OR2L13: variants seen among roughly 807,000 people sequenced by gnomAD.
OR2L13 encodes olfactory receptor family 2 subfamily L member 13.
Under a neutral mutation model 15.3 loss-of-function variants are expected in OR2L13, and 14 were observed. The ratio of observed to expected loss-of-function variants is 0.91; its 90% confidence interval spans 0.60 to 1.43. The LOEUF (loss-of-function observed/expected upper bound fraction) is 1.43, where lower values mean the gene tolerates loss of function less well. Among genes scored for constraint, OR2L13 ranks in the 40% most tolerant of loss-of-function variants. OR2L13 has a pLI of 0.00. For synonymous variants in OR2L13, 152 were observed against 142.9 expected, an observed-to-expected ratio of 1.06 and a Z score of -0.45; for missense variants, 367 against 387.9, an observed-to-expected ratio of 0.95 and a Z score of 0.45.
the OR2L13 span, among the ~76,000 whole-genome samples, chr1:247,991,642 T>C: frequency 0.041 from 6,077 of 149,234 alleles, 797 homozygotes; most frequent in African/African-American, 0.14. Flanking sequence ...ACACACTCAA[T>C]GTTTCCCTCG....
the OR2L13 span, among the ~76,000 whole-genome samples, chr1:247,944,669 T>C: frequency 1.3e-5 from 2 of 152,214 alleles, no homozygotes; most frequent in African/African-American, 4.8e-5. Context: ...TAGTATTCCA[T>C]GGTGTATACG....
chr1:248,026,111 A>G, the OR2L13 span, among the ~76,000 whole-genome samples: 4 of 152,212 alleles, frequency 2.6e-5, no homozygotes, highest in African/African-American at 7.2e-5. Context: ...TAAAAAAAGA[A>G]AAATCATTTG....
chr1:248,060,762 C>T, the OR2L13 span: 5 of 1,614,110 alleles, frequency 3.1e-6, no homozygotes, highest in Non-Finnish European at 3.4e-6. Context: ...TTTTCCTCTT[C>T]ATCCTCATTG....
chr1:247,965,581 G>A, the OR2L13 span: 23 of 1,595,776 alleles, frequency 1.4e-5, no homozygotes, highest in African/African-American at 1.1e-4. Flanking sequence ...GCTCTCCATC[G>A]TTGACCTCAT....
At chr1:247,981,758 A>G in the OR2L13 span, among the ~76,000 whole-genome samples, 4 of 152,194 alleles carry the variant, frequency 2.6e-5, no homozygotes, top group Non-Finnish European at 4.4e-5. Context: ...GCTTCTCTTC[A>G]ATGATACCCT....
chr1:248,060,641 AC>A, the OR2L13 span: 1 of 1,509,204 alleles, frequency 6.6e-7, no homozygotes, highest in Admixed American at 1.8e-5. Context: ...TGCTTAACTT[AC>A]CCTTGTGTCT....
chr1:247,950,673 C>T, the OR2L13 span, among the ~76,000 whole-genome samples: 1 of 152,072 alleles, frequency 6.6e-6, no homozygotes, highest in Admixed American at 6.6e-5. Context: ...TGCATGTTCT[C>T]ACTCCTACCT....
the OR2L13 span, among the ~76,000 whole-genome samples, chr1:248,010,089 C>T: frequency 6.6e-6 from 1 of 152,040 alleles, no homozygotes; most frequent in Non-Finnish European, 1.5e-5. Flanking sequence ...GGAAGCATTC[C>T]CTATGAAAAC....
At chr1:248,050,649 C>G in the OR2L13 span, among the ~76,000 whole-genome samples, 1 of 152,032 alleles carries the variant, frequency 6.6e-6, no homozygotes, top group South Asian at 2.1e-4. Context: ...TTAACTATTT[C>G]TTGGACAGTT....
chr1:247,944,634 G>T, the OR2L13 span, among the ~76,000 whole-genome samples: 1 of 152,138 alleles, frequency 6.6e-6, no homozygotes, highest in African/African-American at 2.4e-5. Flanking sequence ...CAAAGGACAT[G>T]ATCTTGTTCC....
At chr1:248,003,661 C>T in the OR2L13 span, 1 of 1,612,056 alleles carries the variant, frequency 6.2e-7, no homozygotes, top group Non-Finnish European at 8.5e-7. Flanking sequence ...ATCATTTCTT[C>T]TGTGATGTCC....
chr1:248,069,803 A>T, the OR2L13 span, among the ~76,000 whole-genome samples: 1 of 152,146 alleles, frequency 6.6e-6, no homozygotes, highest in South Asian at 2.1e-4. Flanking sequence ...ATGGAAAACA[A>T]AAAAAGGCAG....
the OR2L13 span, among the ~76,000 whole-genome samples, chr1:248,074,013 G>T: frequency 2.0e-5 from 3 of 151,906 alleles, no homozygotes; most frequent in East Asian, 1.9e-4. Flanking sequence ...TTAAATCTCT[G>T]TTCTGTGAAA....
chr1:248,018,060 C>T, the OR2L13 span, among the ~76,000 whole-genome samples: 1 of 151,192 alleles, frequency 6.6e-6, no homozygotes, highest in Admixed American at 6.6e-5. Context: ...GAGGCTGAGG[C>T]AGGAGAATGG....
the OR2L13 span, among the ~76,000 whole-genome samples, chr1:248,004,521 G>A: frequency 1.6e-3 from 237 of 152,212 alleles, 3 homozygotes; most frequent in African/African-American, 5.4e-3. Context: ...GACACTTAAC[G>A]TACCAGTTAC....
At chr1:248,029,095 T>A in the OR2L13 span, 1 of 152,200 alleles carries the variant, frequency 6.6e-6, no homozygotes, top group Non-Finnish European at 1.5e-5. Context: ...TTATACAACA[T>A]ATATATGCAT....
the OR2L13 span, chr1:247,949,058 C>T: frequency 1.2e-6 from 2 of 1,613,962 alleles, no homozygotes; most frequent in Non-Finnish European, 1.7e-6. Context: ...AGCTCTCCCT[C>T]ATTGACCTAA....
chr1:247,968,510 A>G, the OR2L13 span, among the ~76,000 whole-genome samples: 1 of 89,950 alleles, frequency 1.1e-5, no homozygotes, highest in African/African-American at 4.2e-5. Flanking sequence ...CCACCCCCCA[A>G]CAGGCCCAGG....
chr1:248,076,279 G>A, the OR2L13 span, among the ~76,000 whole-genome samples: 69 of 152,284 alleles, frequency 4.5e-4, no homozygotes, highest in South Asian at 3.1e-3. Context: ...GTCAGGTAGC[G>A]TGATGCCTCC....
Sources: allele counts gnomAD v4.1 joint callset (sites outside exome capture counted in the v4.1 genomes callset), GRCh38; gene constraint gnomAD v4.1.1; transcripts MANE v1.5; gene names NCBI Gene and HGNC (gene_info 2026-07-23, HGNC 2026-07-21).